The following CAMK1D variants were observed in gnomAD, a reference collection of about 807,000 sequenced individuals.
CAMK1D encodes calcium/calmodulin dependent protein kinase ID.
CAMK1D carries 9 observed loss-of-function variants against 47.7 expected under a neutral mutation model. The ratio of observed to expected loss-of-function variants is 0.19; its 90% CI spans 0.11 to 0.33. CAMK1D has a LOEUF of 0.33. Ranked by LOEUF, CAMK1D falls within the 10% of genes least tolerant of loss-of-function variation. CAMK1D has a pLI of 1.00. For synonymous variants in CAMK1D, 184 were observed against 184.9 expected, an observed-to-expected ratio of 0.99 and a Z score of 0.04; for missense variants, 291 against 488.7, an observed-to-expected ratio of 0.60 and a Z score of 3.81.
At chr10:12,445,204 G>C (rs1390494887) in intron 1 of CAMK1D, among the ~76,000 whole-genome samples, 2 of 152,172 alleles carry the variant, frequency 1.3e-5, no homozygotes, top group Admixed American at 1.3e-4. Context: ...GGTAGAATGA[G>C]GTGTGTCCGA....
At chr10:12,602,895 G>GTTATTATTATTATTATTATTATTATTA (rs71386103) in intron 2 of CAMK1D, among the ~76,000 whole-genome samples, 3,741 of 134,344 alleles carry the variant, frequency 0.028, 104 homozygotes, top group East Asian at 0.046. Flanking sequence ...CTAACTGCTT[G>GTTATTATTATTATTATTATTATTATTA]TTATTATTAT....
chr10:12,582,967 G>A (rs544651830), intron 2 of CAMK1D, among the ~76,000 whole-genome samples: 2 of 152,330 alleles, frequency 1.3e-5, no homozygotes, highest in Admixed American at 1.3e-4. Flanking sequence ...GCTGGGCACA[G>A]TGGCTCACGC....
At chr10:12,522,160 C>T (rs1835436183) in intron 1 of CAMK1D, among the ~76,000 whole-genome samples, 1 of 149,306 alleles carries the variant, frequency 6.7e-6, no homozygotes, top group African/African-American at 2.5e-5. Flanking sequence ...TCACCCTTTC[C>T]TGCCTTCTTT....
chr10:12,449,305 C>A (rs1265080953), intron 1 of CAMK1D, among the ~76,000 whole-genome samples: 1 of 152,028 alleles, frequency 6.6e-6, no homozygotes, highest in Admixed American at 6.6e-5. Context: ...GTGTGAAGGG[C>A]CCCGTCGTCT....
intron 1 of CAMK1D, chr10:12,456,362 A>G (rs1434499667): frequency 2.6e-5 from 4 of 152,146 alleles, no homozygotes; most frequent in South Asian, 2.1e-4. Flanking sequence ...TTTTCTTCCA[A>G]TAGGTTGCTA....
At chr10:12,587,031 CCT>C (rs1252200487) in intron 2 of CAMK1D, among the ~76,000 whole-genome samples, 1 of 152,098 alleles carries the variant, frequency 6.6e-6, no homozygotes, top group Non-Finnish European at 1.5e-5. Context: ...TTCTTGGTTA[CCT>C]CTCACTCGGG....
At chr10:12,420,880 A>AG (rs1156669906) in intron 1 of CAMK1D, among the ~76,000 whole-genome samples, 1 of 152,142 alleles carries the variant, frequency 6.6e-6, no homozygotes, top group Non-Finnish European at 1.5e-5. Flanking sequence ...TACTCAGACA[A>AG]GGGGGAGGTT....
chr10:12,784,756 T>C (rs1467326574), intron 5 of CAMK1D, among the ~76,000 whole-genome samples: 1 of 152,220 alleles, frequency 6.6e-6, no homozygotes, highest in East Asian at 1.9e-4. Context: ...ACCAAAAATA[T>C]TTCAGGCAGC....
At chr10:12,410,930 G>T (rs1431449305) in intron 1 of CAMK1D, among the ~76,000 whole-genome samples, 1 of 152,190 alleles carries the variant, frequency 6.6e-6, no homozygotes, top group Non-Finnish European at 1.5e-5. Context: ...GCCAAAGGCG[G>T]CAGAGGATGA....
intron 1 of CAMK1D, among the ~76,000 whole-genome samples, chr10:12,474,210 T>C (rs553799781): frequency 6.7e-6 from 1 of 149,418 alleles, no homozygotes; most frequent in East Asian, 2.0e-4. Flanking sequence ...TTTTTTTTTT[T>C]TTTTTTTTGA....
chr10:12,411,874 A>G (rs1364157054), intron 1 of CAMK1D, among the ~76,000 whole-genome samples: 2 of 152,204 alleles, frequency 1.3e-5, no homozygotes, highest in Non-Finnish European at 2.9e-5. Context: ...GATTACAGGC[A>G]TGAGCCACTG....
chr10:12,550,000 C>T (rs762139157), intron 1 of CAMK1D, among the ~76,000 whole-genome samples: 4 of 152,154 alleles, frequency 2.6e-5, no homozygotes, highest in Non-Finnish European at 4.4e-5. Flanking sequence ...GTCCCCTCTG[C>T]GTTGGCCGTG....
intron 1 of CAMK1D, among the ~76,000 whole-genome samples, chr10:12,356,550 G>A (rs890440948): frequency 4.2e-4 from 64 of 152,002 alleles, no homozygotes; most frequent in African/African-American, 8.9e-4. Flanking sequence ...GTGAAACCTC[G>A]TCTCTACTAA....
rs371289261 is a variant in CAMK1D at position 12,553,375 on chromosome 10, C to T, written c.224+19C>T. The T allele has an allele frequency of 5.1e-6, 8 of 1,573,518 alleles. No homozygotes were observed. The highest frequency in any genetic ancestry group is 7.0e-6 in the Non-Finnish European group (8 of 1,143,340). ...TGAGAAAGTAAGTGCTGGAGGGCAA[C>T]CCTCCTCCCTTCCCTACCTCCTGGC... is the stretch of plus-strand genomic sequence containing the variant. On this transcript the variant is annotated intron_variant, in intron 2 of 10. Coordinates refer to ENST00000619168, the MANE Select transcript of CAMK1D (RefSeq NM_153498.4).
At chr10:12,813,891 G>A (rs930043757) in intron 6 of CAMK1D, among the ~76,000 whole-genome samples, 1 of 150,402 alleles carries the variant, frequency 6.6e-6, no homozygotes, top group South Asian at 2.1e-4. Context: ...TCCCACCTCA[G>A]CCTCCCAAGT....
At chr10:12,828,211 C>G (rs1340598213) in intron 10 of CAMK1D, among the ~76,000 whole-genome samples, 2 of 152,102 alleles carry the variant, frequency 1.3e-5, no homozygotes, top group African/African-American at 4.8e-5. Flanking sequence ...AGTGGTGAAA[C>G]CATGTTGTTT....
intron 1 of CAMK1D, among the ~76,000 whole-genome samples, chr10:12,541,581 G>C (rs576777593): frequency 6.6e-6 from 1 of 152,082 alleles, no homozygotes; most frequent in East Asian, 1.9e-4. Flanking sequence ...GGCTGGTCTC[G>C]AACTCCTGAG....
intron 1 of CAMK1D, among the ~76,000 whole-genome samples, chr10:12,537,549 G>T (rs76636663): frequency 1.3e-5 from 2 of 152,118 alleles, no homozygotes; most frequent in Non-Finnish European, 2.9e-5. Flanking sequence ...GCATTTTTGC[G>T]ACTGCTAGTG....
intron 3 of CAMK1D, among the ~76,000 whole-genome samples, chr10:12,751,408 C>G (rs767463955): frequency 6.6e-6 from 1 of 152,188 alleles, no homozygotes; most frequent in African/African-American, 2.4e-5. Flanking sequence ...AGCTCCACCC[C>G]GCTTGGCCAT....
Sources: gnomAD v4.1 joint callset for allele counts (sites outside exome capture counted in the v4.1 genomes callset) on GRCh38, gnomAD v4.1.1 for gene constraint, MANE v1.5 for transcripts, NCBI Gene and HGNC (gene_info 2026-07-23, HGNC 2026-07-21) for gene names.